GRIP2: variants seen among roughly 807,000 people sequenced by gnomAD.
GRIP2 encodes glutamate receptor interacting protein 2.
Under a neutral mutation model 108.3 loss-of-function variants are expected in GRIP2, and 58 were observed. That is an observed-to-expected ratio of 0.54 (90% confidence interval 0.43 to 0.67). The LOEUF is 0.67. Ranked by LOEUF, GRIP2 falls within the 30% of genes least tolerant of loss-of-function variation. The pLI is 0.00. For missense variants in GRIP2, 1,278 were observed against 1,430.6 expected (o/e 0.89, Z 1.72); for synonymous variants, 586 against 598.2 (o/e 0.98, Z 0.30).
In GRIP2 at chr3:14,513,804, C is replaced by G; in HGVS notation, c.1500G>C (p.Gly500=). The change falls in exon 13 of 24, where the codon GGG becomes GGC. Residue 500 remains glycine, a synonymous_variant. Transcript: ENST00000621039. ...GGACACGGTCCCCCACCTGCAGCAG[C>G]CCACACCTGAACCCAGGGGGCCCGG... ...IEPDSPAERC[G]LLQVGDRVLS... is the part of the protein sequence containing the mutation. 1 of 1,612,880 alleles carries G rather than the reference C, an allele frequency of 6.2e-7. No homozygotes were observed. Among genetic ancestry groups the G allele is most frequent in the Non-Finnish European group, 8.5e-7 (1 of 1,179,552 alleles).
intron 3 of GRIP2, 79 bp from the exon 4 acceptor site, chr3:14,524,617 GGAAT>G: frequency 6.9e-7 from 1 of 1,440,654 alleles, no homozygotes. Context: ...ACCCTCCTCT[GGAAT>G]CCCTATGATC....
the GRIP2 span, among the ~76,000 whole-genome samples, chr3:14,601,362 AT>A: frequency 1.3e-5 from 2 of 152,142 alleles, no homozygotes; most frequent in Non-Finnish European, 2.9e-5. Flanking sequence ...TTCCTTCTTA[AT>A]TAGCCCTGCT....
chr3:14,555,985 T>A (rs1164428055), exon 1 of GRIP2: 7 of 398,872 alleles, frequency 1.8e-5, no homozygotes, highest in Admixed American at 4.4e-5. Flanking sequence ...CAGAGCCCTG[T>A]GCAGCCTGCC....
the GRIP2 span, among the ~76,000 whole-genome samples, chr3:14,576,942 G>A: frequency 1.3e-5 from 2 of 152,214 alleles, no homozygotes; most frequent in Non-Finnish European, 2.9e-5. Flanking sequence ...TTGCTTTGTT[G>A]AGATAGGTTT....
chr3:14,583,808 T>C, the GRIP2 span, among the ~76,000 whole-genome samples: 3 of 152,184 alleles, frequency 2.0e-5, no homozygotes, highest in Non-Finnish European at 4.4e-5. Context: ...GTAAATAAAT[T>C]AGCTGCCTGC....
At chr3:14,570,314 C>T in the GRIP2 span, among the ~76,000 whole-genome samples, 1 of 152,170 alleles carries the variant, frequency 6.6e-6, no homozygotes, top group Non-Finnish European at 1.5e-5. Context: ...ATAGAGACAG[C>T]CCACCTGGGA....
chr3:14,554,791 G>C (rs1031449183), intron 1 of GRIP2, among the ~76,000 whole-genome samples: 1 of 152,126 alleles, frequency 6.6e-6, no homozygotes, highest in Non-Finnish European at 1.5e-5. Context: ...TTACTTAACC[G>C]CTCTGTGCCT....
At chr3:14,562,446 G>GA in the GRIP2 span, among the ~76,000 whole-genome samples, 1 of 152,140 alleles carries the variant, frequency 6.6e-6, no homozygotes, top group South Asian at 2.1e-4. Context: ...ATTCTGAAAA[G>GA]AAAAAAATAA....
intron 4 of GRIP2, 172 bp downstream of exon 4, chr3:14,524,221 T>C: frequency 1.5e-6 from 1 of 661,412 alleles, no homozygotes; most frequent in South Asian, 2.0e-5. Flanking sequence ...GGTGACAGCA[T>C]ACTGCGGTTG....
At position 14,506,767 on chromosome 3, in the gene GRIP2, G is replaced by T. The variant is rs1463547693; in HGVS notation, c.2398+34C>A. 5 of 1,539,962 alleles carry T rather than the reference G, an allele frequency of 3.2e-6. No homozygotes were observed. In the Admixed American group the frequency reaches 7.8e-5, roughly 24 times the overall value. ...CAGCAGCAGGGGCGGCCTAGAGAGA[G>T]CGTGCCACTTGTCCAAGGGCCCCAA... On this transcript the variant is annotated intron_variant, in intron 19 of 23. Transcript: ENST00000621039.
upstream of GRIP2, among the ~76,000 whole-genome samples, chr3:14,544,869 C>T (rs1293278952): frequency 1.3e-5 from 2 of 152,212 alleles, no homozygotes; most frequent in Non-Finnish European, 2.9e-5. Context: ...GGGACCCCCT[C>T]TTAGGGGGCG....
the GRIP2 span, among the ~76,000 whole-genome samples, chr3:14,602,598 G>A: frequency 6.6e-6 from 1 of 151,602 alleles, no homozygotes; most frequent in African/African-American, 2.4e-5. The surrounding 1 kb of genome is among the most constrained non-coding windows in gnomAD (Gnocchi z 4.7). Context: ...CGGCCGGGCC[G>A]GTGGATGCCC....
chr3:14,507,274 C>G lies in GRIP2; in HGVS notation c.2218+287G>C, dbSNP rs1398102990. The stretch of plus-strand genomic sequence containing the variant: ...CAAGGCACGGGGACGTATTCAGGGG[C>G]AGCTGAGGAATGCATGAGTTATGGC... On this transcript the variant is annotated intron_variant, in intron 18 of 23. Coordinates refer to ENST00000621039, the MANE Select transcript of GRIP2 (RefSeq NM_001080423.4). The surrounding 1 kb of genome is among the most constrained non-coding windows in gnomAD (Gnocchi z 4.6). Among the ~76,000 whole-genome samples, 2 of 152,188 alleles carry G rather than the reference C, an allele frequency of 1.3e-5. No homozygotes were observed. The highest frequency in any genetic ancestry group is 2.9e-5 in the Non-Finnish European group (2 of 68,044).
At chr3:14,528,996 C>T (rs1180979213) in intron 1 of GRIP2, among the ~76,000 whole-genome samples, 1 of 151,844 alleles carries the variant, frequency 6.6e-6, no homozygotes, top group Non-Finnish European at 1.5e-5. Flanking sequence ...TGTGGCTGGG[C>T]GTGGTGGCTC....
chr3:14,547,767 A>G (rs1282947285), intron 1 of GRIP2, among the ~76,000 whole-genome samples: 1 of 152,194 alleles, frequency 6.6e-6, no homozygotes, highest in Non-Finnish European at 1.5e-5. Flanking sequence ...AAAACATGGA[A>G]ATAAATGGAC....
At chr3:14,584,130 AG>A in the GRIP2 span, among the ~76,000 whole-genome samples, 1 of 152,110 alleles carries the variant, frequency 6.6e-6, no homozygotes, top group Admixed American at 6.6e-5. Flanking sequence ...ACAGTAGGTG[AG>A]GGGAGTAGCT....
intron 7 of GRIP2, 54 bp from the exon 8 acceptor site, chr3:14,520,591 C>T: frequency 6.3e-7 from 1 of 1,581,174 alleles, no homozygotes; most frequent in Non-Finnish European, 8.7e-7. Flanking sequence ...ACTTTCCTCC[C>T]CAGCCTCACC....
chr3:14,563,054 G>C, the GRIP2 span, among the ~76,000 whole-genome samples: 1 of 152,196 alleles, frequency 6.6e-6, no homozygotes, highest in African/African-American at 2.4e-5. Flanking sequence ...CAGATTAAAA[G>C]AGACACAAGA....
rs567860555 is a variant in GRIP2 at position 14,555,281 on chromosome 3, C to G, written c.55+619G>C. Among the ~76,000 whole-genome samples the G allele has an allele frequency of 1.1e-4, 17 of 152,240 alleles. No individual in the cohort carries two copies. The East Asian group carries it at 3.1e-3, about 28-fold the overall frequency. On this transcript the variant is annotated intron_variant, in intron 1 of 23. Coordinates refer to the GRIP2 transcript ENST00000637182. ...TCGCTCCCTCCCACCCCTCCTCCCC[C>G]ACACACAGCGCCCCTGCCAGGCAAC...
Sources: gnomAD v4.1 joint callset for allele counts (sites outside exome capture counted in the v4.1 genomes callset) on GRCh38, gnomAD v4.1.1 for gene constraint, Gnocchi (gnomAD v3.1) non-coding constraint, MANE v1.5 for transcripts, NCBI Gene and HGNC (gene_info 2026-07-23, HGNC 2026-07-21) for gene names.